PPM1E: variants seen among roughly 807,000 people sequenced by gnomAD.
The protein encoded by PPM1E is protein phosphatase 1E.
In PPM1E, 20 loss-of-function variants were observed where a neutral mutation model predicts 65.9. The ratio of observed to expected loss-of-function variants is 0.30; its 90% CI spans 0.21 to 0.44. PPM1E has a LOEUF of 0.44. Among genes scored for constraint, PPM1E ranks in the 20% least tolerant of loss-of-function variants. The pLI, the probability that PPM1E is intolerant of heterozygous loss-of-function variation, is 1.00. For synonymous variants in PPM1E, 352 were observed against 374.9 expected (o/e 0.94, Z 0.70); for missense variants, 713 against 953.1 (o/e 0.75, Z 3.32).
At chr17:58,934,665 G>A (rs1189374011) in intron 1 of PPM1E, among the ~76,000 whole-genome samples, 4 of 152,142 alleles carry the variant, frequency 2.6e-5, no homozygotes, top group Non-Finnish European at 5.9e-5. Context: ...CAATGGCTCA[G>A]CCTATAATCC....
At chr17:58,792,010 C>G (rs1294954783) in intron 1 of PPM1E, among the ~76,000 whole-genome samples, 1 of 152,032 alleles carries the variant, frequency 6.6e-6, no homozygotes, top group Non-Finnish European at 1.5e-5. Context: ...ATACACCATT[C>G]TTATTCCCAT....
At chr17:58,794,754 T>A (rs2050189638) in intron 1 of PPM1E, among the ~76,000 whole-genome samples, 1 of 152,226 alleles carries the variant, frequency 6.6e-6, no homozygotes, top group Non-Finnish European at 1.5e-5. Flanking sequence ...CATTCTTTTT[T>A]ATGGCTGCAT....
intron 1 of PPM1E, among the ~76,000 whole-genome samples, chr17:58,839,310 A>T (rs1458512307): frequency 1.3e-5 from 2 of 152,134 alleles, no homozygotes; most frequent in Non-Finnish European, 2.9e-5. Context: ...CAACATGGCA[A>T]GACCTTGTCT....
intron 1 of PPM1E, chr17:58,899,548 G>T: frequency 4.5e-6 from 1 of 224,104 alleles, no homozygotes; most frequent in Non-Finnish European, 9.4e-6. Context: ...CCAGAAAGTA[G>T]GCGAATGGGT....
intron 1 of PPM1E, among the ~76,000 whole-genome samples, chr17:58,904,121 G>A (rs1218520170): frequency 6.6e-6 from 1 of 152,044 alleles, no homozygotes; most frequent in African/African-American, 2.4e-5. Context: ...AAAAATGTGT[G>A]AATAAATTTA....
At chr17:58,842,744 G>A (rs190327909) in intron 1 of PPM1E, among the ~76,000 whole-genome samples, 112 of 151,950 alleles carry the variant, frequency 7.4e-4, no homozygotes, top group African/African-American at 2.5e-3. Context: ...TTTGAGAACA[G>A]CCTGATCAAC....
chr17:58,866,028 C>T (rs991517400), intron 1 of PPM1E, among the ~76,000 whole-genome samples: 1 of 152,182 alleles, frequency 6.6e-6, no homozygotes, highest in Non-Finnish European at 1.5e-5. Flanking sequence ...CATCATATTT[C>T]TTGTGGTTTA....
intron 1 of PPM1E, among the ~76,000 whole-genome samples, chr17:58,761,086 T>C (rs969959694): frequency 6.6e-6 from 1 of 152,220 alleles, no homozygotes; most frequent in Non-Finnish European, 1.5e-5. Context: ...TTTTGTTTTT[T>C]AAAGAGATGG....
intron 1 of PPM1E, among the ~76,000 whole-genome samples, chr17:58,836,909 A>G (rs529999332): frequency 1.3e-5 from 2 of 150,008 alleles, no homozygotes; most frequent in East Asian, 4.0e-4. Context: ...AGTCCCAGCT[A>G]CACGGGAGGC....
chr17:58,769,598 A>G (rs1052059207), intron 1 of PPM1E, among the ~76,000 whole-genome samples: 6 of 152,206 alleles, frequency 3.9e-5, no homozygotes, highest in Admixed American at 3.9e-4. Flanking sequence ...CCTGAGTGAT[A>G]GAGCCAGACC....
intron 1 of PPM1E, among the ~76,000 whole-genome samples, chr17:58,767,716 C>T (rs915703964): frequency 2.0e-5 from 3 of 152,128 alleles, no homozygotes; most frequent in African/African-American, 7.2e-5. Flanking sequence ...GATCTCAGCT[C>T]ACCGCAACCT....
At chr17:58,865,814 C>G (rs11871776) in intron 1 of PPM1E, among the ~76,000 whole-genome samples, 7,476 of 152,266 alleles carry the variant, frequency 0.049, 267 homozygotes, top group Non-Finnish European at 0.072. Flanking sequence ...TAGTTGTTAG[C>G]TAGACAACAG....
chr17:58,813,292 C>A (rs1043568879), intron 1 of PPM1E, among the ~76,000 whole-genome samples: 3 of 152,192 alleles, frequency 2.0e-5, no homozygotes, highest in South Asian at 4.1e-4. Flanking sequence ...ATCTTTTTAG[C>A]CTCTTTCTTA....
At chr17:58,868,702 C>G (rs2051034993) in intron 1 of PPM1E, among the ~76,000 whole-genome samples, 1 of 151,188 alleles carries the variant, frequency 6.6e-6, no homozygotes, top group Non-Finnish European at 1.5e-5. Context: ...TGGTTTTCTT[C>G]CCTGTTTAAC....
chr17:58,803,336 A>G (rs1450732719), intron 1 of PPM1E, among the ~76,000 whole-genome samples: 1 of 152,222 alleles, frequency 6.6e-6, no homozygotes, highest in South Asian at 2.1e-4. Context: ...TGAGGTGATC[A>G]TATGATTTTT....
chr17:58,823,560 G>C (rs2143145288), intron 1 of PPM1E, among the ~76,000 whole-genome samples: 1 of 152,014 alleles, frequency 6.6e-6, no homozygotes, highest in African/African-American at 2.4e-5. Flanking sequence ...ATCACCTGTT[G>C]TTCAGTTATT....
At position 58,969,572 on chromosome 17, in the gene PPM1E, G is replaced by A; in HGVS notation, c.817G>A (p.Asp273Asn). Reference sequence around the variant, plus strand: ...AGAACAAGCTTACTTTGCAGTGTTTGATGGCCATGGGGGAGTAGATGCTGC... The same window carrying A: ...AGAACAAGCTTACTTTGCAGTGTTTAATGGCCATGGGGGAGTAGATGCTGC... Reference protein sequence around the residue: ...QEEQAYFAVFDGHGGVDAAIY... With the variant: ...QEEQAYFAVFNGHGGVDAAIY... The change falls in exon 4 of 7, where the codon GAT becomes AAT. Residue 273 changes from aspartate to asparagine, a missense_variant. Around this residue, in one of 6 missense-constraint regions of PPM1E, gnomAD observed 25 missense variants for 73.9 expected, o/e 0.34. Transcript: ENST00000308249. The A allele has an allele frequency of 6.2e-7, 1 of 1,614,168 alleles. No homozygotes were observed.
intron 1 of PPM1E, among the ~76,000 whole-genome samples, chr17:58,953,703 TA>T (rs2052272590): frequency 6.6e-6 from 1 of 151,776 alleles, no homozygotes; most frequent in Admixed American, 6.6e-5. Flanking sequence ...AATATCCAGG[TA>T]ACCATTTGAC....
In PPM1E at chr17:58,840,637, A is replaced by T. The variant is rs1000050952; in HGVS notation, c.464+84176A>T. ...GGCAGAAAGTAAGAAAGTGCTAAAG[A>T]AAAAAAAAAGATCACTGTGAGAGGT... On this transcript the variant is annotated intron_variant, in intron 1 of 6. Transcript: ENST00000308249. 4.7e-5 allele frequency among the ~76,000 whole-genome samples: 7 copies of T among 150,400 alleles called. 1 individual carries two copies. The highest frequency in any genetic ancestry group is 1.7e-4 in the African/African-American group (7 of 41,040).
Sources: gnomAD v4.1 joint callset for allele counts (sites outside exome capture counted in the v4.1 genomes callset) on GRCh38, gnomAD v4.1.1 for gene constraint, gnomAD v4.1.1 regional missense constraint, MANE v1.5 for transcripts, NCBI Gene and HGNC (gene_info 2026-07-23, HGNC 2026-07-21) for gene names.